Variants in TRAK1 observed in about 807,000 individuals in gnomAD.
TRAK1 encodes the protein trafficking kinesin-binding protein 1.
A neutral mutation model predicts 92.1 loss-of-function variants in TRAK1; 33 were observed. The ratio of observed to expected loss-of-function variants is 0.36; its 90% confidence interval spans 0.27 to 0.48. The LOEUF (loss-of-function observed/expected upper bound fraction) is 0.48, where lower values mean the gene tolerates loss of function less well. Among genes scored for constraint, TRAK1 ranks in the 20% least tolerant of loss-of-function variants. The pLI is 0.99. For synonymous variants in TRAK1, 521 were observed against 517.3 expected (o/e 1.01, Z -0.10); for missense variants, 1,123 against 1,257.9 (o/e 0.89, Z 1.62).
chr3:42,173,596 C>G (rs768727656), intron 2 of TRAK1, among the ~76,000 whole-genome samples: 2 of 152,166 alleles, frequency 1.3e-5, no homozygotes, highest in African/African-American at 4.8e-5. Context: ...TCTGTTTACA[C>G]ACTTCCTACA....
intron 1 of TRAK1, among the ~76,000 whole-genome samples, chr3:42,068,708 C>T (rs751488008): frequency 2.0e-5 from 3 of 152,154 alleles, no homozygotes; most frequent in African/African-American, 7.2e-5. Context: ...GTCTCCATTT[C>T]GCCAACAAGT....
chr3:42,202,407 T>C lies in TRAK1; in HGVS notation c.1428-29T>C. 2 of 1,458,808 alleles carry C rather than the reference T, an allele frequency of 1.4e-6. No homozygotes were observed. Among genetic ancestry groups the C allele is most frequent in the African/African-American group, 1.4e-5 (1 of 70,736 alleles). The allele number at this position is 1,458,808 out of a possible 1,614,324, so 90.4% of individuals were successfully genotyped here. A position where few individuals can be genotyped will look rare whatever the true frequency, so the allele number is the denominator to read the frequency against. On this transcript the variant is annotated intron_variant, in intron 12 of 15. Transcript: ENST00000327628. This position sits in a 1 kb window ranked among gnomAD's most constrained non-coding sequence, Gnocchi z 6.1. ...TGTGGCCTTGGAGCCCTGCTGGCAT[T>C]CCACCCTCACACCCCTTTCTTCTTC...
chr3:42,043,831 G>T (rs561941846), intron 1 of TRAK1, among the ~76,000 whole-genome samples: 25 of 147,398 alleles, frequency 1.7e-4, no homozygotes, highest in African/African-American at 6.2e-4. Flanking sequence ...CCATGCTTTG[G>T]TCTCTTAAGA....
chr3:42,172,637 T>C (rs543983485), intron 2 of TRAK1, among the ~76,000 whole-genome samples: 1 of 152,300 alleles, frequency 6.6e-6, no homozygotes, highest in East Asian at 1.9e-4. Flanking sequence ...CTTGTCAGGC[T>C]TCGAACCCCC....
chr3:42,074,453 CTG>C (rs1366268520), intron 1 of TRAK1, among the ~76,000 whole-genome samples: 1 of 152,190 alleles, frequency 6.6e-6, no homozygotes, highest in Non-Finnish European at 1.5e-5. Flanking sequence ...AACAGGGAGA[CTG>C]TAGGGCTGGT....
At chr3:42,174,133 TCTC>T (rs1397996431) in intron 2 of TRAK1, among the ~76,000 whole-genome samples, 2 of 152,160 alleles carry the variant, frequency 1.3e-5, no homozygotes, top group Non-Finnish European at 2.9e-5. Context: ...TCCAAGCAAT[TCTC>T]CTGCCTCAGC....
intron 2 of TRAK1, among the ~76,000 whole-genome samples, chr3:42,130,973 T>G (rs1697118343): frequency 1.3e-5 from 2 of 152,132 alleles, no homozygotes; most frequent in South Asian, 4.1e-4. Context: ...AGTAATATTA[T>G]TATACCCCCA....
chr3:42,213,960 TCTG>T (rs1709379013), intron 14 of TRAK1, among the ~76,000 whole-genome samples: 1 of 152,180 alleles, frequency 6.6e-6, no homozygotes, highest in Non-Finnish European at 1.5e-5. Context: ...AGCCCTGTGC[TCTG>T]CCGTCAGAAT....
chr3:42,040,167 C>T (rs1702479478), intron 1 of TRAK1, among the ~76,000 whole-genome samples: 2 of 152,020 alleles, frequency 1.3e-5, no homozygotes, highest in Admixed American at 1.3e-4. Context: ...GTATCATTTA[C>T]AGCACAACAT....
intron 2 of TRAK1, among the ~76,000 whole-genome samples, chr3:42,154,373 A>G (rs183036200): frequency 4.5e-4 from 68 of 152,158 alleles, no homozygotes; most frequent in African/African-American, 1.6e-3. Context: ...GAGTTTCACC[A>G]TGTTGGCCAG....
At chr3:42,115,366 G>T (rs1255511957) in intron 1 of TRAK1, among the ~76,000 whole-genome samples, 1 of 152,004 alleles carries the variant, frequency 6.6e-6, no homozygotes, top group Non-Finnish European at 1.5e-5. Context: ...CAACAAACTG[G>T]CATGCCCAAG....
chr3:42,077,982 C>T (rs73828525), intron 1 of TRAK1, among the ~76,000 whole-genome samples: 3,139 of 152,282 alleles, frequency 0.021, 119 homozygotes, highest in African/African-American at 0.072. Flanking sequence ...CTACTTCTTC[C>T]GCAGTTTGAC....
intron 1 of TRAK1, among the ~76,000 whole-genome samples, chr3:42,125,087 A>G (rs528269958): frequency 1.2e-4 from 18 of 152,358 alleles, no homozygotes; most frequent in African/African-American, 3.4e-4. Context: ...TTTGGCTGAC[A>G]TGTAGAACGC....
chr3:42,142,513 T>C (rs1576588140), intron 2 of TRAK1, among the ~76,000 whole-genome samples: 1 of 152,206 alleles, frequency 6.6e-6, no homozygotes, highest in South Asian at 2.1e-4. Context: ...CCTACCCGAG[T>C]ATAGTCTGTG....
intron 1 of TRAK1, among the ~76,000 whole-genome samples, chr3:42,077,235 A>G (rs1195176537): frequency 1.3e-5 from 2 of 152,142 alleles, no homozygotes; most frequent in African/African-American, 2.4e-5. Flanking sequence ...TTTGGGCAGT[A>G]TGGTTATTTT....
chr3:42,130,606 G>A (rs868575014), intron 2 of TRAK1, among the ~76,000 whole-genome samples: 2 of 151,646 alleles, frequency 1.3e-5, no homozygotes, highest in African/African-American at 2.4e-5. Context: ...ATTTTTTTCC[G>A]TGACCTAACC....
chr3:42,043,814 AAG>A (rs1391324322), intron 1 of TRAK1, among the ~76,000 whole-genome samples: 1 of 143,624 alleles, frequency 7.0e-6, no homozygotes, highest in East Asian at 2.4e-4. Flanking sequence ...ACAGGTTTGA[AAG>A]AGGACCATGC....
chr3:42,172,932 G>C (rs1702750116), intron 2 of TRAK1, among the ~76,000 whole-genome samples: 1 of 152,118 alleles, frequency 6.6e-6, no homozygotes, highest in Non-Finnish European at 1.5e-5. Context: ...GATCACCTGA[G>C]GTCAGGAGTT....
intron 2 of TRAK1, among the ~76,000 whole-genome samples, chr3:42,138,104 G>T (rs189993803): frequency 5.3e-5 from 8 of 152,110 alleles, no homozygotes; most frequent in Non-Finnish European, 2.9e-5. Context: ...TTGTAGTGTG[G>T]TTTTCTTTTT....
Sources: gnomAD v4.1 joint callset for allele counts (sites outside exome capture counted in the v4.1 genomes callset) on GRCh38, gnomAD v4.1.1 for gene constraint, Gnocchi (gnomAD v3.1) non-coding constraint, MANE v1.5 for transcripts, NCBI Gene and HGNC (gene_info 2026-07-23, HGNC 2026-07-21) for gene names.